KCNIP4: variants seen among roughly 807,000 people sequenced by gnomAD.
KCNIP4 encodes the protein potassium voltage-gated channel interacting protein 4, also known as Kv channel-interacting protein 4.
KCNIP4 carries 12 observed loss-of-function variants against 34.0 expected under a neutral mutation model. The observed-to-expected ratio is 0.35, with a 90% CI of 0.23 to 0.57. KCNIP4 has a LOEUF of 0.57. Among genes scored for constraint, KCNIP4 ranks in the 20% least tolerant of loss-of-function variants. The pLI is 0.83. For missense variants in KCNIP4, 238 were observed against 311.7 expected, an observed-to-expected ratio of 0.76 and a Z score of 1.78; for synonymous variants, 124 against 102.2, an observed-to-expected ratio of 1.21 and a Z score of -1.29.
intron 1 of KCNIP4, among the ~76,000 whole-genome samples, chr4:21,306,137 T>C (rs536193353): frequency 1.3e-5 from 2 of 152,302 alleles, no homozygotes; most frequent in East Asian, 3.9e-4. Context: ...AAAGTAGGGA[T>C]GATGATTTGC....
At chr4:21,433,796 T>C (rs1297426146) in intron 1 of KCNIP4, among the ~76,000 whole-genome samples, 4 of 152,230 alleles carry the variant, frequency 2.6e-5, no homozygotes, top group Non-Finnish European at 5.9e-5. Context: ...CTAACACTTG[T>C]CACACTTTCC....
intron 1 of KCNIP4, among the ~76,000 whole-genome samples, chr4:21,245,604 G>A (rs1338647979): frequency 1.3e-5 from 2 of 151,950 alleles, no homozygotes; most frequent in Admixed American, 1.3e-4. Flanking sequence ...TTTTTAAGAG[G>A]GGAATAATAT....
chr4:20,997,835 T>C (rs1468283163), intron 1 of KCNIP4, among the ~76,000 whole-genome samples: 1 of 152,080 alleles, frequency 6.6e-6, no homozygotes, highest in East Asian at 1.9e-4. Context: ...ATGACTGGGG[T>C]CCTTTTAGGA....
intron 1 of KCNIP4, among the ~76,000 whole-genome samples, chr4:21,062,529 C>CGTGT (rs765111393): frequency 1.6e-5 from 2 of 123,954 alleles, no homozygotes; most frequent in East Asian, 2.5e-4. Flanking sequence ...TGTGTGTGTG[C>CGTGT]ATGTGTGTGT....
At chr4:20,967,444 G>A (rs1380222285) in intron 1 of KCNIP4, among the ~76,000 whole-genome samples, 1 of 152,020 alleles carries the variant, frequency 6.6e-6, no homozygotes, top group Non-Finnish European at 1.5e-5. Context: ...AAGTTCATAT[G>A]GAACCAAAAA....
intron 1 of KCNIP4, among the ~76,000 whole-genome samples, chr4:21,861,232 G>A (rs572730626): frequency 2.0e-4 from 31 of 152,170 alleles, no homozygotes; most frequent in East Asian, 7.7e-4. Flanking sequence ...ACCACACAAT[G>A]GGAGTTAACA....
chr4:21,135,511 T>C (rs1751434764), intron 1 of KCNIP4, among the ~76,000 whole-genome samples: 1 of 152,206 alleles, frequency 6.6e-6, no homozygotes, highest in African/African-American at 2.4e-5. Context: ...CTGTAAGGCA[T>C]CATGTTTGTA....
At chr4:21,222,901 C>A (rs554537769) in intron 1 of KCNIP4, among the ~76,000 whole-genome samples, 1 of 151,834 alleles carries the variant, frequency 6.6e-6, no homozygotes, top group Non-Finnish European at 1.5e-5. Context: ...AGAAGGTAGA[C>A]GACTAAAGTT....
At chr4:20,803,961 C>G (rs1714747682) in intron 3 of KCNIP4, among the ~76,000 whole-genome samples, 1 of 151,996 alleles carries the variant, frequency 6.6e-6, no homozygotes, top group African/African-American at 2.4e-5. Context: ...AATATCTAAG[C>G]CTTATCTATA....
chr4:21,244,689 A>G (rs2109059188), intron 1 of KCNIP4, among the ~76,000 whole-genome samples: 1 of 152,346 alleles, frequency 6.6e-6, no homozygotes, highest in East Asian at 1.9e-4. Flanking sequence ...ATGAATCATG[A>G]AATTCTTAAG....
chr4:21,148,818 G>C (rs1168541204), intron 1 of KCNIP4, among the ~76,000 whole-genome samples: 1 of 152,130 alleles, frequency 6.6e-6, no homozygotes, highest in Non-Finnish European at 1.5e-5. Context: ...ATTTATCTCT[G>C]AGTGGCAATA....
chr4:21,133,609 T>C (rs1052804428), intron 1 of KCNIP4, among the ~76,000 whole-genome samples: 3 of 152,158 alleles, frequency 2.0e-5, no homozygotes, highest in African/African-American at 7.2e-5. Context: ...TCCTAATCTA[T>C]ACTGCTCACT....
chr4:21,804,457 G>T (rs1721180640), intron 1 of KCNIP4, among the ~76,000 whole-genome samples: 1 of 152,162 alleles, frequency 6.6e-6, no homozygotes, highest in Admixed American at 6.5e-5. Context: ...GTTGACCACA[G>T]AAATTTCACT....
intron 1 of KCNIP4, among the ~76,000 whole-genome samples, chr4:21,895,224 C>G (rs1727318708): frequency 6.6e-6 from 1 of 152,038 alleles, no homozygotes; most frequent in Non-Finnish European, 1.5e-5. Flanking sequence ...CTTGATTGAG[C>G]AAAGGTCTAG....
At chr4:21,769,289 T>C (rs149318534) in intron 1 of KCNIP4, among the ~76,000 whole-genome samples, 2,395 of 152,280 alleles carry the variant, frequency 0.016, 29 homozygotes, top group Middle Eastern at 0.027. Flanking sequence ...GTTTCTATTT[T>C]TGCATTTCTA....
chr4:21,654,118 T>C (rs1369561572), intron 1 of KCNIP4, among the ~76,000 whole-genome samples: 1 of 152,208 alleles, frequency 6.6e-6, no homozygotes, highest in Non-Finnish European at 1.5e-5. Flanking sequence ...AAGTATTTGC[T>C]CAATCAAATG....
At chr4:20,794,751 C>T (rs1373034118) in intron 3 of KCNIP4, among the ~76,000 whole-genome samples, 1 of 152,134 alleles carries the variant, frequency 6.6e-6, no homozygotes, top group African/African-American at 2.4e-5. Flanking sequence ...TAAGCTGCAC[C>T]TGTATTCATG....
At chr4:21,808,800 T>G (rs1451849354) in intron 1 of KCNIP4, among the ~76,000 whole-genome samples, 1 of 152,138 alleles carries the variant, frequency 6.6e-6, no homozygotes, top group African/African-American at 2.4e-5. Flanking sequence ...AATCTATAAT[T>G]TTGGGGATGA....
intron 1 of KCNIP4, among the ~76,000 whole-genome samples, chr4:20,920,623 A>G (rs1345650647): frequency 2.0e-5 from 3 of 152,208 alleles, no homozygotes; most frequent in Admixed American, 2.0e-4. Flanking sequence ...TGCACAGTAC[A>G]TGGAGAAGCC....
Sources: allele counts gnomAD v4.1 joint callset (sites outside exome capture counted in the v4.1 genomes callset), GRCh38; gene constraint gnomAD v4.1.1; transcripts MANE v1.5; gene names NCBI Gene and HGNC (gene_info 2026-07-23, HGNC 2026-07-21).